Variants in AOPEP observed in about 807,000 individuals in gnomAD.
AOPEP encodes aminopeptidase O (putative), also known as aminopeptidase O.
Under a neutral mutation model 98.1 loss-of-function variants are expected in AOPEP, and 77 were observed. The ratio of observed to expected loss-of-function variants is 0.78; its 90% CI spans 0.65 to 0.95. The LOEUF is 0.95. Ranked by LOEUF, AOPEP falls within the 40% of genes least tolerant of loss-of-function variation. The pLI, the probability that AOPEP is intolerant of heterozygous loss-of-function variation, is 0.00. For missense variants in AOPEP, 1,024 were observed against 1,024.7 expected, an observed-to-expected ratio of 1.00 and a Z score of 0.01; for synonymous variants, 346 against 365.3, an observed-to-expected ratio of 0.95 and a Z score of 0.60.
chr9:95,028,910 C>T (rs948843523), intron 13 of AOPEP, among the ~76,000 whole-genome samples: 4 of 152,198 alleles, frequency 2.6e-5, no homozygotes, highest in Non-Finnish European at 5.9e-5. Flanking sequence ...CCAAGAATTC[C>T]GCGAGAGCCA....
the AOPEP span, among the ~76,000 whole-genome samples, chr9:95,093,980 C>T: frequency 6.6e-6 from 1 of 152,318 alleles, no homozygotes; most frequent in South Asian, 2.1e-4. Context: ...ACAGCAGGCC[C>T]GGGCTCAAGG....
intron 13 of AOPEP, among the ~76,000 whole-genome samples, chr9:95,024,833 C>G (rs1329563474): frequency 6.6e-6 from 1 of 152,338 alleles, no homozygotes; most frequent in East Asian, 1.9e-4. Context: ...CTATCGACTT[C>G]AGCTAAAAAT....
downstream of AOPEP, among the ~76,000 whole-genome samples, chr9:95,090,730 G>A (rs1005721449): frequency 6.6e-6 from 1 of 152,196 alleles, no homozygotes; most frequent in African/African-American, 2.4e-5. Context: ...AGGGAATTCT[G>A]GCTGGACAAA....
At chr9:95,086,418 G>A (rs568192908) in intron 16 of AOPEP, 2 of 985,412 alleles carry the variant, frequency 2.0e-6, no homozygotes, top group Admixed American at 6.1e-5. Flanking sequence ...GAGTGGGTGC[G>A]TGTCTGAAAT....
chr9:95,082,945 G>C (rs1414494657), intron 16 of AOPEP: 1 of 534,370 alleles, frequency 1.9e-6, no homozygotes, highest in African/African-American at 1.9e-5. Flanking sequence ...CCGGGAAGCA[G>C]AGGCTGTCCA....
chr9:94,864,364 A>G lies in AOPEP; in HGVS notation c.1365-59622A>G, dbSNP rs1272257014. ...TGGCTATTACTCAGTTGCTTATTAT[A>G]TGAATGAGACATTCAGTCTTCATCA... On this transcript the variant is annotated intron_variant, in intron 5 of 16. Coordinates refer to ENST00000375315, the MANE Select transcript of AOPEP (RefSeq NM_001193329.3). Among the ~76,000 whole-genome samples the G allele has an allele frequency of 2.6e-5, 4 of 152,242 alleles. No individual in the cohort carries two copies. In the East Asian group the frequency reaches 5.8e-4, roughly 22 times the overall value.
intron 3 of AOPEP, among the ~76,000 whole-genome samples, chr9:94,774,792 G>A (rs1344063107): frequency 6.6e-6 from 1 of 152,086 alleles, no homozygotes; most frequent in Non-Finnish European, 1.5e-5. Context: ...TTCCAGAAAG[G>A]CTGTGCCAAT....
At chr9:94,996,055 G>A (rs1030738431) in intron 11 of AOPEP, among the ~76,000 whole-genome samples, 1 of 152,164 alleles carries the variant, frequency 6.6e-6, no homozygotes, top group Non-Finnish European at 1.5e-5. Context: ...AGGGAGGGGA[G>A]GACAGGTCCT....
intron 13 of AOPEP, among the ~76,000 whole-genome samples, chr9:95,023,532 T>C (rs1008803694): frequency 2.6e-5 from 4 of 152,240 alleles, no homozygotes; most frequent in African/African-American, 9.6e-5. Flanking sequence ...AAAGGGAGTT[T>C]TAGTTGAAGT....
At chr9:94,752,872 G>A (rs900684645) in intron 1 of AOPEP, among the ~76,000 whole-genome samples, 1 of 152,152 alleles carries the variant, frequency 6.6e-6, no homozygotes, top group Non-Finnish European at 1.5e-5. Flanking sequence ...TTTGAGGCTC[G>A]GTCAGAAAAG....
At chr9:95,018,240 C>T (rs1331144945) in intron 13 of AOPEP, among the ~76,000 whole-genome samples, 1 of 152,206 alleles carries the variant, frequency 6.6e-6, no homozygotes, top group Non-Finnish European at 1.5e-5. Flanking sequence ...TACCATTTTA[C>T]ATTTCCACCA....
intron 5 of AOPEP, among the ~76,000 whole-genome samples, chr9:94,847,152 A>ACACACATACACACT: frequency 7.1e-6 from 1 of 140,568 alleles, no homozygotes; most frequent in South Asian, 2.4e-4. Context: ...ACACACACAC[A>ACACACATACACACT]CTCTCTCTGT....
chr9:95,144,995 T>C, the AOPEP span, among the ~76,000 whole-genome samples: 1 of 152,164 alleles, frequency 6.6e-6, no homozygotes, highest in Non-Finnish European at 1.5e-5. Context: ...GGCCATTTTA[T>C]TTTTTTAGCC....
chr9:95,139,088 GGCCGA>G, the AOPEP span, among the ~76,000 whole-genome samples: 1 of 152,196 alleles, frequency 6.6e-6, no homozygotes, highest in Non-Finnish European at 1.5e-5. Context: ...AACAGAATTT[GGCCGA>G]GCCAACATAT....
At chr9:94,911,957 A>T (rs1383785226) in intron 5 of AOPEP, among the ~76,000 whole-genome samples, 2 of 152,180 alleles carry the variant, frequency 1.3e-5, no homozygotes, top group Admixed American at 1.3e-4. Context: ...TGACCAAGAA[A>T]TGCACATAAC....
At chr9:95,072,791 C>G (rs1409964126) in intron 14 of AOPEP, among the ~76,000 whole-genome samples, 1 of 152,234 alleles carries the variant, frequency 6.6e-6, no homozygotes, top group Non-Finnish European at 1.5e-5. Context: ...TGCCCGTTGT[C>G]ACGGGACCTG....
At chr9:95,057,705 C>G (rs1463095906) in intron 13 of AOPEP, among the ~76,000 whole-genome samples, 3 of 152,150 alleles carry the variant, frequency 2.0e-5, no homozygotes, top group Non-Finnish European at 4.4e-5. Flanking sequence ...AACGTTTGTT[C>G]ACTGATTTTT....
At chr9:94,872,685 G>A (rs189193733) in intron 5 of AOPEP, among the ~76,000 whole-genome samples, 7 of 152,182 alleles carry the variant, frequency 4.6e-5, no homozygotes, top group African/African-American at 1.4e-4. Context: ...TGCTCAGTTT[G>A]TGAATGCTTC....
intron 13 of AOPEP, among the ~76,000 whole-genome samples, chr9:95,009,676 AC>A (rs1291939185): frequency 6.6e-6 from 1 of 152,220 alleles, no homozygotes; most frequent in East Asian, 1.9e-4. Context: ...ATTAGTCACA[AC>A]AAACATGGTG....
Sources: gnomAD v4.1 joint callset for allele counts (sites outside exome capture counted in the v4.1 genomes callset) on GRCh38, gnomAD v4.1.1 for gene constraint, MANE v1.5 for transcripts, NCBI Gene and HGNC (gene_info 2026-07-23, HGNC 2026-07-21) for gene names.